Variants in ITPR2 observed in about 807,000 individuals in gnomAD.
ITPR2 encodes inositol 1,4,5-trisphosphate receptor type 2.
A neutral mutation model predicts 317.1 loss-of-function variants in ITPR2; 207 were observed. The ratio of observed to expected loss-of-function variants is 0.65; its 90% CI spans 0.58 to 0.73. The LOEUF (loss-of-function observed/expected upper bound fraction) is 0.73, where lower values mean the gene tolerates loss of function less well. ITPR2 is among the 30% of genes least tolerant of loss of function. The pLI, the probability that ITPR2 is intolerant of heterozygous loss-of-function variation, is 0.00. For synonymous variants in ITPR2, 1,156 were observed against 1,149.1 expected (o/e 1.01, Z -0.12); for missense variants, 2,613 against 3,284.0 (o/e 0.80, Z 4.99).
At chr12:26,546,189 T>C (rs1051821683) in intron 37 of ITPR2, among the ~76,000 whole-genome samples, 2 of 152,234 alleles carry the variant, frequency 1.3e-5, no homozygotes, top group Non-Finnish European at 2.9e-5. Flanking sequence ...TGTATATAAA[T>C]GTGTAGTGAT....
At chr12:26,829,132 T>C (rs1217554338) in intron 1 of ITPR2, among the ~76,000 whole-genome samples, 1 of 152,216 alleles carries the variant, frequency 6.6e-6, no homozygotes, top group Non-Finnish European at 1.5e-5. Flanking sequence ...GTTTGCAACA[T>C]TATTTGCATA....
chr12:26,819,817 A>T (rs1950912410), intron 1 of ITPR2, among the ~76,000 whole-genome samples: 1 of 152,092 alleles, frequency 6.6e-6, no homozygotes, highest in South Asian at 2.1e-4. Flanking sequence ...CTGTAATCCC[A>T]GCACTTTGGG....
intron 32 of ITPR2, among the ~76,000 whole-genome samples, chr12:26,588,736 G>A (rs957330608): frequency 6.6e-6 from 1 of 152,150 alleles, no homozygotes; most frequent in Non-Finnish European, 1.5e-5. Context: ...AATGGCTCAA[G>A]TTATCTACCT....
intron 9 of ITPR2, among the ~76,000 whole-genome samples, chr12:26,706,408 C>T (rs1376474814): frequency 6.6e-6 from 1 of 152,100 alleles, no homozygotes; most frequent in Admixed American, 6.6e-5. Context: ...GGCCCCATCG[C>T]TTCCCTCTCA....
intron 34 of ITPR2, among the ~76,000 whole-genome samples, chr12:26,563,633 C>T (rs11614533): frequency 0.027 from 4,070 of 152,248 alleles, 89 homozygotes; most frequent in Non-Finnish European, 0.041. Flanking sequence ...TTCTCCAACT[C>T]CTGCGCAAAG....
intron 34 of ITPR2, among the ~76,000 whole-genome samples, chr12:26,564,754 C>A (rs1463417118): frequency 4.6e-5 from 7 of 152,194 alleles, no homozygotes; most frequent in African/African-American, 1.7e-4. Context: ...AAGAGAAAGG[C>A]ATGGAACGAA....
chr12:26,731,635 A>C lies in ITPR2; in HGVS notation c.164-5870T>G, dbSNP rs578191043. On this transcript the variant is annotated intron_variant, in intron 2 of 56. Coordinates refer to ENST00000381340, the MANE Select transcript of ITPR2 (RefSeq NM_002223.4). ...AACAAATTGAGACCCTGTCTCTACGAAAAAATTTTTTTAAAAAATCAGCTG... is the reference window on the plus strand; with the variant it reads ...AACAAATTGAGACCCTGTCTCTACGCAAAAATTTTTTTAAAAAATCAGCTG... 5.3e-5 allele frequency among the ~76,000 whole-genome samples: 8 copies of C among 152,184 alleles called. No individual in the cohort carries two copies. The East Asian group carries it at 1.5e-3, about 29-fold the overall frequency.
At chr12:26,736,810 T>C (rs759223160) in intron 2 of ITPR2, among the ~76,000 whole-genome samples, 4 of 152,168 alleles carry the variant, frequency 2.6e-5, no homozygotes, top group Admixed American at 6.5e-5. Context: ...AACACATCCA[T>C]GTTGGGTCCA....
In ITPR2 at chr12:26,391,555, C is replaced by CTTTTTTTTTTTTTTTTTTTTTTTTTTT. The variant is rs1491173931; in HGVS notation, c.7697-3962_7697-3961insAAAAAAAAAAAAAAAAAAAAAAAAAAA. Among the ~76,000 whole-genome samples the CTTTTTTTTTTTTTTTTTTTTTTTTTTT allele has an allele frequency of 1.7e-4, 12 of 70,852 alleles. 3 individuals are homozygous for CTTTTTTTTTTTTTTTTTTTTTTTTTTT. The highest frequency in any genetic ancestry group is 2.3e-4 in the Non-Finnish European group (9 of 38,652). 46.5% of individuals were successfully genotyped at this position (70,852 alleles called of 152,430 possible). A position where few individuals can be genotyped will look rare whatever the true frequency, so the allele number is the denominator to read the frequency against. On this transcript the variant is annotated intron_variant, in intron 54 of 56. Coordinates refer to ENST00000381340, the MANE Select transcript of ITPR2 (RefSeq NM_002223.4). ...AGCTTCTTCTTCTTCTTCTTCTTTT[C>CTTTTTTTTTTTTTTTTTTTTTTTTTTT]CTTTTTTTTTTTTTTTTTTTTTTTT...
At chr12:26,352,600 G>A (rs1034292396) in intron 55 of ITPR2, among the ~76,000 whole-genome samples, 1 of 152,222 alleles carries the variant, frequency 6.6e-6, no homozygotes, top group East Asian at 1.9e-4. Context: ...GGGACACAGG[G>A]AGGTGATACC....
chr12:26,411,425 A>G lies in ITPR2; in HGVS notation c.7307-13T>C, dbSNP rs774151591. ...ACTTGATGACTGCCTAAGAAAATAC[A>G]AAGTAGTATATAATATAGAGTCAAA... is the stretch of plus-strand genomic sequence containing the variant. On this transcript the variant is annotated splice_polypyrimidine_tract_variant and intron_variant, in intron 51 of 56. Transcript: ENST00000381340. 5.8e-6 allele frequency: 9 copies of G among 1,554,332 alleles called. No individual in the cohort carries two copies. The African/African-American group carries it at 8.1e-5, about 14-fold the overall frequency.
intron 1 of ITPR2, among the ~76,000 whole-genome samples, chr12:26,805,504 A>G (rs944850611): frequency 1.3e-5 from 2 of 152,182 alleles, no homozygotes; most frequent in Non-Finnish European, 2.9e-5. Flanking sequence ...GTCACTTCAG[A>G]AAAAAATGAA....
rs1253380188 is a variant in ITPR2 at position 26,335,385 on chromosome 12, T to C, written c.*4012A>G. Among the ~76,000 whole-genome samples the C allele has an allele frequency of 6.6e-6, 1 of 152,236 alleles. No individual in the cohort carries two copies. On this transcript the variant is annotated 3_prime_UTR_variant, in exon 57 of 57. Coordinates refer to ENST00000381340, the MANE Select transcript of ITPR2 (RefSeq NM_002223.4). ...ATCCAATTTTATTAACATTCACTTA[T>C]AAATTATCTGCCCTTGTCATATATT...
intron 34 of ITPR2, among the ~76,000 whole-genome samples, chr12:26,562,857 G>A (rs1944857181): frequency 6.6e-6 from 1 of 151,206 alleles, no homozygotes; most frequent in Non-Finnish European, 1.5e-5. Flanking sequence ...CATGGCACAT[G>A]TATACATATG....
rs1227882463 is a variant in ITPR2, at chr12:26,602,628, T to C, written c.3541A>G (p.Ile1181Val). Residue 1181 changes from isoleucine (I) to valine (V), a missense_variant, in exon 27 of 57, where the codon ATT becomes GTT. By Grantham distance (29) the Ile-to-Val change is conservative (BLOSUM62 3). Around this residue, in one of 9 missense-constraint regions of ITPR2, gnomAD observed 817 missense variants for 897.6 expected, o/e 0.91. Transcript: ENST00000381340. Reference protein sequence around the residue: ...IDSNKSNNYRIVKEILIRLSK... With the variant: ...IDSNKSNNYRVVKEILIRLSK... ...TTGTATCTGCCGACCTCCTTTACAA[T>C]CCGGTAGTTATTGCTCTTGTTGCTG... 3 of 1,609,220 alleles carry C rather than the reference T, an allele frequency of 1.9e-6. No individual in the cohort carries two copies. Among genetic ancestry groups the C allele is most frequent in the Non-Finnish European group, 2.6e-6 (3 of 1,176,208 alleles).
At chr12:26,516,511 G>T (rs988063001) in intron 37 of ITPR2, among the ~76,000 whole-genome samples, 9 of 152,034 alleles carry the variant, frequency 5.9e-5, no homozygotes, top group African/African-American at 2.2e-4. Flanking sequence ...TCAACTGAAA[G>T]AATATATATA....
intron 2 of ITPR2, among the ~76,000 whole-genome samples, chr12:26,785,028 G>A (rs1255379139): frequency 1.2e-4 from 3 of 26,020 alleles, no homozygotes; most frequent in Non-Finnish European, 2.0e-4. Context: ...GTCTCTGCCC[G>A]GCCGCCCCGT....
Position 26,370,508 on chromosome 12 carries a change from A to G in ITPR2, c.7857+16926T>C, listed in dbSNP as rs144249599. ...AGCAAATCCATGTAAATATTACATG[A>G]TAAAATGGACTTACCTGCTAAAATC... On this transcript the variant is annotated intron_variant, in intron 55 of 56. Coordinates refer to ENST00000381340, the MANE Select transcript of ITPR2 (RefSeq NM_002223.4). 2.7e-3 allele frequency among the ~76,000 whole-genome samples: 413 copies of G among 152,330 alleles called. 4 individuals carry two copies. The highest frequency in any genetic ancestry group is 8.8e-3 in the African/African-American group (367 of 41,576).
intron 37 of ITPR2, among the ~76,000 whole-genome samples, chr12:26,506,671 T>C (rs910243497): frequency 6.6e-6 from 1 of 151,830 alleles, no homozygotes; most frequent in African/African-American, 2.4e-5. Flanking sequence ...GATTAGAAGG[T>C]AAAATACTAA....
Sources: gnomAD v4.1 joint callset for allele counts (sites outside exome capture counted in the v4.1 genomes callset) on GRCh38, gnomAD v4.1.1 for gene constraint, gnomAD v4.1.1 regional missense constraint, MANE v1.5 for transcripts, NCBI Gene and HGNC (gene_info 2026-07-23, HGNC 2026-07-21) for gene names.